The following TAF3 variants were observed in gnomAD, a reference collection of about 807,000 sequenced individuals.
TAF3 encodes the protein transcription initiation factor TFIID subunit 3.
TAF3 carries 7 observed loss-of-function variants against 80.6 expected under a neutral mutation model. That is an observed-to-expected ratio of 0.09 (90% CI 0.05 to 0.16). The LOEUF (loss-of-function observed/expected upper bound fraction) is 0.16, where lower values mean the gene tolerates loss of function less well. Ranked by LOEUF, TAF3 falls within the 10% of genes least tolerant of loss-of-function variation. TAF3 has a pLI of 1.00. For synonymous variants in TAF3, 444 were observed against 446.1 expected (o/e 1.00, Z 0.06); for missense variants, 921 against 1,140.2 (o/e 0.81, Z 2.77).
chr10:7,989,640 C>T (rs1413164927), intron 4 of TAF3, among the ~76,000 whole-genome samples: 1 of 152,126 alleles, frequency 6.6e-6, no homozygotes, highest in Non-Finnish European at 1.5e-5. Flanking sequence ...TTTGTGTTAC[C>T]TTACTGTATG....
At chr10:8,002,694 T>C (rs534909131) in intron 4 of TAF3, among the ~76,000 whole-genome samples, 47 of 152,320 alleles carry the variant, frequency 3.1e-4, no homozygotes, top group African/African-American at 1.1e-3. Context: ...TAAATGTCCA[T>C]AGAGTCAATT....
chr10:7,828,286 C>A (rs187020319), intron 2 of TAF3, among the ~76,000 whole-genome samples: 4 of 152,112 alleles, frequency 2.6e-5, no homozygotes, highest in Non-Finnish European at 4.4e-5. Context: ...GTTACCATCA[C>A]GTGCTGAGGA....
intron 2 of TAF3, among the ~76,000 whole-genome samples, chr10:7,858,233 A>G (rs1309472882): frequency 6.6e-6 from 1 of 152,334 alleles, no homozygotes; most frequent in East Asian, 1.9e-4. Context: ...GTGATAGAAT[A>G]TAAGATCCTC....
In TAF3 at chr10:7,908,154, A is replaced by G. The variant is rs543444783; in HGVS notation, c.410-55766A>G. ...CATTGCCATTTCCTCTTGTGTGTACATAGACATGTACGTTTGTTCCAAAAC... is the reference window on the plus strand; with the variant it reads ...CATTGCCATTTCCTCTTGTGTGTACGTAGACATGTACGTTTGTTCCAAAAC... On this transcript the variant is annotated intron_variant, in intron 2 of 6. Transcript: ENST00000344293. 9.3e-4 allele frequency among the ~76,000 whole-genome samples: 142 copies of G among 152,204 alleles called. 1 individual carries two copies. Among genetic ancestry groups the G allele is most frequent in the Non-Finnish European group, 9.3e-4 (63 of 68,026 alleles).
chr10:7,953,127 C>T (rs923891674), intron 2 of TAF3, among the ~76,000 whole-genome samples: 2 of 152,262 alleles, frequency 1.3e-5, no homozygotes, highest in South Asian at 2.1e-4. Context: ...AGTAATACCC[C>T]GTGTTCTACA....
intron 2 of TAF3, among the ~76,000 whole-genome samples, chr10:7,907,524 T>C (rs1391843408): frequency 6.6e-6 from 1 of 151,836 alleles, no homozygotes. Flanking sequence ...TTAAGAGAAA[T>C]AAAGGGATAA....
intron 2 of TAF3, among the ~76,000 whole-genome samples, chr10:7,838,908 G>GTTTTTTTTTTTTTTTTTTTTTTTTT (rs71505463): frequency 2.9e-5 from 3 of 101,862 alleles, no homozygotes; most frequent in Admixed American, 1.1e-4. Context: ...GGCATTGCTT[G>GTTTTTTTTTTTTTTTTTTTTTTTTT]TTTTTTTTTT....
chr10:7,977,160 GA>G, intron 3 of TAF3, 80 bp from the exon 4 acceptor site: 1 of 1,309,126 alleles, frequency 7.6e-7, no homozygotes, highest in Non-Finnish European at 1.1e-6. Flanking sequence ...CTCAGTTTGT[GA>G]GAGTGGGAGA....
At chr10:7,864,028 C>A (rs1034053756) in intron 2 of TAF3, among the ~76,000 whole-genome samples, 1 of 152,138 alleles carries the variant, frequency 6.6e-6, no homozygotes, top group African/African-American at 2.4e-5. Flanking sequence ...TCCTTCCCCA[C>A]TGTCAGTATC....
chr10:7,820,539 GC>G (rs1179980283), intron 1 of TAF3, among the ~76,000 whole-genome samples: 4 of 152,356 alleles, frequency 2.6e-5, no homozygotes, highest in African/African-American at 9.6e-5. Flanking sequence ...CTGTCGCCGA[GC>G]GTGGAGTGCA....
intron 4 of TAF3, among the ~76,000 whole-genome samples, chr10:8,006,119 C>T (rs548588077): frequency 5.9e-5 from 9 of 151,410 alleles, no homozygotes; most frequent in East Asian, 3.9e-4. Flanking sequence ...GACCTGAAGT[C>T]GGGAGTTTGA....
intron 2 of TAF3, among the ~76,000 whole-genome samples, chr10:7,846,013 C>A (rs375342587): frequency 2.1e-5 from 3 of 145,010 alleles, no homozygotes; most frequent in African/African-American, 7.7e-5. Flanking sequence ...GGCTGGAGTG[C>A]AGTGGCGCAA....
chr10:7,998,178 T>C (rs1831906865), intron 4 of TAF3, among the ~76,000 whole-genome samples: 1 of 150,154 alleles, frequency 6.7e-6, no homozygotes, highest in South Asian at 2.1e-4. Flanking sequence ...AAGTTTGTCT[T>C]GTCAACACTG....
At chr10:7,832,894 CTTTTA>C (rs1475163967) in intron 2 of TAF3, among the ~76,000 whole-genome samples, 2 of 152,126 alleles carry the variant, frequency 1.3e-5, no homozygotes, top group Non-Finnish European at 2.9e-5. Context: ...CAGTTATACT[CTTTTA>C]GTTATTTTTA....
At chr10:7,851,635 C>T (rs1297746068) in intron 2 of TAF3, among the ~76,000 whole-genome samples, 1 of 152,138 alleles carries the variant, frequency 6.6e-6, no homozygotes, top group Non-Finnish European at 1.5e-5. Context: ...TGCCCCTTTC[C>T]CTTCTCCCCT....
intron 2 of TAF3, among the ~76,000 whole-genome samples, chr10:7,960,062 CAT>C (rs1838174410): frequency 6.6e-6 from 1 of 152,218 alleles, no homozygotes; most frequent in Non-Finnish European, 1.5e-5. Context: ...TGCACCATAA[CAT>C]ACTCTAAAGA....
chr10:7,858,121 T>C (rs1837100827), intron 2 of TAF3, among the ~76,000 whole-genome samples: 1 of 152,172 alleles, frequency 6.6e-6, no homozygotes, highest in Non-Finnish European at 1.5e-5. Context: ...CTTCCTCTTA[T>C]ATCCCATAGT....
intron 2 of TAF3, among the ~76,000 whole-genome samples, chr10:7,887,232 T>A (rs1306461177): frequency 2.9e-5 from 4 of 139,532 alleles, no homozygotes; most frequent in African/African-American, 5.4e-5. Flanking sequence ...ACTCTGTATT[T>A]AAAAAAAAAA....
At chr10:7,881,376 C>T (rs1169460587) in intron 2 of TAF3, among the ~76,000 whole-genome samples, 1 of 151,970 alleles carries the variant, frequency 6.6e-6, no homozygotes, top group Admixed American at 6.6e-5. Context: ...TTAAGATATG[C>T]CTTTAATGCC....
Sources: gnomAD v4.1 joint callset for allele counts (sites outside exome capture counted in the v4.1 genomes callset) on GRCh38, gnomAD v4.1.1 for gene constraint, MANE v1.5 for transcripts, NCBI Gene and HGNC (gene_info 2026-07-23, HGNC 2026-07-21) for gene names.